TJP2: variants seen among roughly 807,000 people sequenced by gnomAD.
TJP2 encodes the protein Friedreich ataxia region gene X104 (tight junction protein ZO-2).
Under a neutral mutation model 133.1 loss-of-function variants are expected in TJP2, and 91 were observed. The ratio of observed to expected loss-of-function variants is 0.68; its 90% CI spans 0.58 to 0.81. The LOEUF (loss-of-function observed/expected upper bound fraction) is 0.81, where lower values mean the gene tolerates loss of function less well. Ranked by LOEUF, TJP2 falls within the 40% of genes least tolerant of loss-of-function variation. The probability of loss-of-function intolerance (pLI) is 0.00; values close to 1 mark genes in which losing one functional copy is unlikely to be tolerated. For missense variants in TJP2, 1,541 were observed against 1,565.6 expected (o/e 0.98, Z 0.26); for synonymous variants, 592 against 583.4 (o/e 1.01, Z -0.21).
chr9:69,159,250 G>T (rs1199501817), intron 2 of TJP2, among the ~76,000 whole-genome samples: 1 of 152,072 alleles, frequency 6.6e-6, no homozygotes, highest in Non-Finnish European at 1.5e-5. Context: ...GCGACCAGGA[G>T]GTCCAGACTG....
intron 1 of TJP2, 144 bp downstream of exon 1, chr9:69,174,576 C>T (rs1264859761): frequency 1.9e-6 from 2 of 1,040,636 alleles, no homozygotes; most frequent in East Asian, 2.6e-5. Flanking sequence ...GGACGTGGGA[C>T]GCAGGGGAGG....
At chr9:69,188,563 A>C (rs1210812425) in intron 1 of TJP2, among the ~76,000 whole-genome samples, 2 of 152,204 alleles carry the variant, frequency 1.3e-5, no homozygotes, top group Non-Finnish European at 2.9e-5. Context: ...GAAAGTGCAT[A>C]GAAATATTTG....
At chr9:69,167,877 A>AG (rs1316111532) in intron 2 of TJP2, among the ~76,000 whole-genome samples, 3 of 152,050 alleles carry the variant, frequency 2.0e-5, no homozygotes, top group African/African-American at 7.2e-5. Flanking sequence ...AAAAAAAAAA[A>AG]AAAAAGAAGA....
At chr9:69,165,053 C>T (rs1824276273) in intron 2 of TJP2, among the ~76,000 whole-genome samples, 2 of 152,174 alleles carry the variant, frequency 1.3e-5, no homozygotes, top group South Asian at 4.1e-4. Context: ...TGGTCTTGAA[C>T]TCTTGGCCTC....
chr9:69,221,243 G>A lies in TJP2; in HGVS notation c.699G>A (p.Arg233=), dbSNP rs768509439. The A allele has an allele frequency of 1.4e-5, 23 of 1,607,452 alleles. No homozygotes were observed. The highest frequency in any genetic ancestry group is 2.0e-5 in the Non-Finnish European group (23 of 1,177,440). ...TGGACCACGACTTTGGGCCATCCCG[G>A]GACCGGGACCGTGACCGCAGCCGCG... The part of the protein sequence containing the change: ...RGLDHDFGPS[R]DRDRDRSRGR... Residue 233 remains arginine, a synonymous_variant, in exon 5 of 23, where the codon CGG becomes CGA. Coordinates refer to ENST00000377245, the MANE Select transcript of TJP2 (RefSeq NM_004817.4).
chr9:69,174,185 T>A (rs1183710011), upstream of TJP2: 14 of 1,366,534 alleles, frequency 1.0e-5, no homozygotes, highest in Admixed American at 3.4e-5. Flanking sequence ...CACGCTCGGG[T>A]CGGGGGCGGG....
At chr9:69,223,289 C>CTGTTT (rs10594219) in intron 5 of TJP2, among the ~76,000 whole-genome samples, 2,167 of 150,110 alleles carry the variant, frequency 0.014, 25 homozygotes, top group Non-Finnish European at 0.02. Context: ...GGCTTCGTTT[C>CTGTTT]TGTTTTGTTT....
Position 69,180,715 on chromosome 9 carries a change from C to G in TJP2, c.60+6283C>G, listed in dbSNP as rs11145577. On this transcript the variant is annotated intron_variant, in intron 1 of 22. Transcript: ENST00000377245. ...TATTTGAGGGAATTAATTAGCAAAA[C>G]TAAACATTTCTGTTTTTGAAAGGAA... Among the ~76,000 whole-genome samples the G allele has an allele frequency of 2.0e-3, 307 of 152,334 alleles. 9 individuals carry two copies. The East Asian group carries it at 0.046, about 23-fold the overall frequency.
At chr9:69,168,849 T>C (rs1442017576) in intron 2 of TJP2, among the ~76,000 whole-genome samples, 2 of 149,276 alleles carry the variant, frequency 1.3e-5, no homozygotes, top group African/African-American at 4.9e-5. Context: ...TAACTAAAAG[T>C]GAAAGCATAA....
In TJP2 at chr9:69,210,662, C is replaced by G. The variant is rs1157884747; in HGVS notation, c.61-1886C>G. Among the ~76,000 whole-genome samples the G allele has an allele frequency of 2.6e-5, 4 of 152,062 alleles. No homozygotes were observed. In the East Asian group the frequency reaches 7.7e-4, roughly 29 times the overall value. ...TGGGCTGCTTGCGTCCCTGGCACCC[C>G]AGGCCCCATTCACCACCCAGTCCCA... On this transcript the variant is annotated intron_variant, in intron 1 of 22. Coordinates refer to ENST00000377245, the MANE Select transcript of TJP2 (RefSeq NM_004817.4).
chr9:69,249,618 A>G, intron 20 of TJP2, 133 bp downstream of exon 20: 11 of 1,531,024 alleles, frequency 7.2e-6, no homozygotes, highest in Non-Finnish European at 9.7e-6. Context: ...GTTCTCTATT[A>G]GAGCCTATCT....
chr9:69,173,970 C>T, upstream of TJP2: 5 of 985,242 alleles, frequency 5.1e-6, no homozygotes, highest in Non-Finnish European at 6.0e-6. Flanking sequence ...TGGAGGGGTG[C>T]AGGCGTGGGG....
At chr9:69,153,279 G>A (rs1036102746) in intron 2 of TJP2, among the ~76,000 whole-genome samples, 1 of 151,972 alleles carries the variant, frequency 6.6e-6, no homozygotes, top group African/African-American at 2.4e-5. Context: ...TACCTGCTCA[G>A]ACTCCAGAAA....
At chr9:69,121,430 T>G, upstream of TJP2, 1 of 741,216 alleles carries the variant, frequency 1.3e-6, no homozygotes, top group Non-Finnish European at 1.6e-6. Flanking sequence ...ACCGCCCAAC[T>G]CCCCCTGCCC....
In TJP2 at chr9:69,237,117, G is replaced by T; in HGVS notation, c.2160G>T (p.Glu720Asp). 6.2e-7 allele frequency: 1 copy of T among 1,614,154 alleles called. No homozygotes were observed. Among genetic ancestry groups the T allele is most frequent in the Non-Finnish European group, 8.5e-7 (1 of 1,180,008 alleles). The change falls in exon 14 of 23, where the codon GAG becomes GAT. Residue 720 changes from glutamate (E) to aspartate (D), a missense_variant. By Grantham distance (45) the Glu-to-Asp change is conservative. Transcript: ENST00000377245. ...VSVSTKFPAY[E>D]RVLLREAGFK... ...TCAGCACCAAGTTCCCAGCTTATGA[G>T]AGGGTTTTGCTGCGAGAAGGTGAGG...
At chr9:69,165,420 G>A in intron 2 of TJP2, among the ~76,000 whole-genome samples, 1 of 152,160 alleles carries the variant, frequency 6.6e-6, no homozygotes, top group Middle Eastern at 3.2e-3. Context: ...TTACAGGTGT[G>A]GCCACCATGC....
rs773909292 is a variant in TJP2 at position 69,221,173 on chromosome 9, C to A, written c.629C>A (p.Ala210Glu). ...SLERGLDQDH[A>E]RTRDRSRGRS... Reference sequence around the variant, plus strand: ...GAGCGGGGCCTGGACCAAGACCATGCGCGCACCCGAGACCGCAGCCGTGGC... The same window carrying A: ...GAGCGGGGCCTGGACCAAGACCATGAGCGCACCCGAGACCGCAGCCGTGGC... The change falls in exon 5 of 23, where the codon GCG becomes GAG. Residue 210 changes from alanine (A) to glutamate (E), a missense_variant. Coordinates refer to ENST00000377245, the MANE Select transcript of TJP2 (RefSeq NM_004817.4). The A allele has an allele frequency of 1.4e-5, 22 of 1,593,440 alleles. No homozygotes were observed. The highest frequency in any genetic ancestry group is 1.7e-5 in the Non-Finnish European group (20 of 1,168,952).
At chr9:69,223,400 C>T (rs981256222) in intron 5 of TJP2, among the ~76,000 whole-genome samples, 23 of 152,160 alleles carry the variant, frequency 1.5e-4, no homozygotes, top group African/African-American at 4.1e-4. Context: ...CTCCATCTCC[C>T]GGGTTCACAC....
chr9:69,140,721 G>T (rs1822982556), intron 1 of TJP2, among the ~76,000 whole-genome samples: 1 of 152,186 alleles, frequency 6.6e-6, no homozygotes, highest in South Asian at 2.1e-4. Flanking sequence ...TCGCTCATGT[G>T]CTCCCAGGCA....
Sources: gnomAD v4.1 joint callset for allele counts (sites outside exome capture counted in the v4.1 genomes callset) on GRCh38, gnomAD v4.1.1 for gene constraint, MANE v1.5 for transcripts, NCBI Gene and HGNC (gene_info 2026-07-23, HGNC 2026-07-21) for gene names.